EHD2: variants seen among roughly 807,000 people sequenced by gnomAD.
EHD2 encodes the protein EH domain containing 2, also known as EH domain-containing protein 2.
In EHD2, 27 loss-of-function variants were observed where a neutral mutation model predicts 41.0. The ratio of observed to expected loss-of-function variants is 0.66; its 90% CI spans 0.49 to 0.91. EHD2 has a LOEUF of 0.91. Ranked by LOEUF, EHD2 falls within the 40% of genes least tolerant of loss-of-function variation. The pLI is 0.00. For missense variants in EHD2, 673 were observed against 773.9 expected (o/e 0.87, Z 1.55); for synonymous variants, 342 against 341.0 (o/e 1.00, Z -0.03).
At chr19:47,718,680 G>C (rs1331229730) in intron 3 of EHD2, 74 bp downstream of exon 3, 2 of 1,356,972 alleles carry the variant, frequency 1.5e-6, no homozygotes, top group East Asian at 5.1e-5. Flanking sequence ...AGGGAGGAGG[G>C]ACTGGGCCCG....
At chr19:47,720,246 C>T (rs1054158033) in intron 3 of EHD2, among the ~76,000 whole-genome samples, 1 of 152,028 alleles carries the variant, frequency 6.6e-6, no homozygotes, top group Non-Finnish European at 1.5e-5. Flanking sequence ...TCACTGCAAC[C>T]TTTGCCTCCC....
Position 47,741,166 on chromosome 19 carries a change from ATCT to A in EHD2, c.1370_1372del (p.Phe457del). The A allele has an allele frequency of 1.2e-6, 2 of 1,613,438 alleles. No homozygotes were observed. The highest frequency in any genetic ancestry group is 1.7e-6 in the Non-Finnish European group (2 of 1,179,982). On this transcript the variant is annotated inframe_deletion, in exon 6 of 6. Coordinates refer to ENST00000263277, the MANE Select transcript of EHD2 (RefSeq NM_014601.4). The surrounding 1 kb of genome is among the most constrained non-coding windows in gnomAD (Gnocchi z 4.5). ...CAAGGACAAGTCCAAATACGACGAG[ATCT>A]TCTACAACCTGGCGCCTGCCGACGG...
rs1402914084 is a variant in EHD2, at chr19:47,740,973, C to G, written c.1173C>G (p.Ala391=). The G allele has an allele frequency of 6.2e-7, 1 of 1,612,384 alleles. No individual in the cohort carries two copies. Among genetic ancestry groups the G allele is most frequent in the Non-Finnish European group, 8.5e-7 (1 of 1,179,940 alleles). The change falls in exon 6 of 6, where the codon GCC becomes GCG. Residue 391 remains alanine (A), a synonymous_variant. Coordinates refer to ENST00000263277, the MANE Select transcript of EHD2 (RefSeq NM_014601.4). ...ALDEMLTHDI[A]KLMPLLRQEE... ...ACGAGATGCTGACGCACGACATCGCCAAGCTCATGCCCCTGCTGCGGCAGG... is the reference window on the plus strand; with the variant it reads ...ACGAGATGCTGACGCACGACATCGCGAAGCTCATGCCCCTGCTGCGGCAGG...
At chr19:47,731,279 A>AAAAT in intron 4 of EHD2, 1 of 60,924 alleles carries the variant, frequency 1.6e-5, no homozygotes, top group African/African-American at 4.9e-5. Flanking sequence ...AAAAAAAAAA[A>AAAAT]ATATATATAT....
Position 47,713,458 on chromosome 19 carries a change from C to G in EHD2, c.-136C>G, listed in dbSNP as rs982224631. ...GACGGGACCGCGAGCACAGGCCGCT[C>G]CGCGGGCGCTTCGGATCCTCGCGGG... On this transcript the variant is annotated 5_prime_UTR_variant, in exon 1 of 6. Coordinates refer to ENST00000263277, the MANE Select transcript of EHD2 (RefSeq NM_014601.4). 2.0e-5 allele frequency: 3 copies of G among 152,414 alleles called. No homozygotes were observed. Among genetic ancestry groups the G allele is most frequent in the African/African-American group, 7.2e-5 (3 of 41,440 alleles). The allele number at this position is 152,414 out of a possible 1,614,324, so 9.4% of individuals were successfully genotyped here.
chr19:47,736,561 G>C, intron 5 of EHD2, 28 bp downstream of exon 5: 2 of 1,552,278 alleles, frequency 1.3e-6, no homozygotes, highest in Non-Finnish European at 1.7e-6. Context: ...AGGGAATGTT[G>C]GGGGTGGGTG....
rs765059260 is a variant in EHD2 at position 47,716,700 on chromosome 19, C to T, written c.88C>T (p.Arg30Cys). The change falls in exon 2 of 6, where the codon CGC becomes TGC. Residue 30 changes from arginine (R) to cysteine (C), a missense_variant. Transcript: ENST00000263277. ...GACCTCGGCCCTCAAGGAGCTGTAC[C>T]GCACGAAGCTGCTGCCGCTGGAGGA... ...TVTSALKELY[R>C]TKLLPLEEHY... 8.7e-6 allele frequency: 14 copies of T among 1,612,136 alleles called. No individual in the cohort carries two copies. Among genetic ancestry groups the T allele is most frequent in the South Asian group, 4.4e-5 (4 of 90,922 alleles).
chr19:47,741,939 C>A lies in EHD2; in HGVS notation c.*507C>A, dbSNP rs1436305244. The A allele has an allele frequency of 1.1e-5, 5 of 456,296 alleles. No individual in the cohort carries two copies. Among genetic ancestry groups the A allele is most frequent in the Non-Finnish European group, 2.2e-5 (5 of 227,080 alleles). 28.3% of individuals were successfully genotyped at this position (456,296 alleles called of 1,614,324 possible). A position where few individuals can be genotyped will look rare whatever the true frequency, so the allele number is the denominator to read the frequency against. On this transcript the variant is annotated 3_prime_UTR_variant, in exon 6 of 6. Transcript: ENST00000263277. The surrounding 1 kb of genome is among the most constrained non-coding windows in gnomAD (Gnocchi z 4.5). ...CTGAAATGACTAGCAGATAAACAGA[C>A]CCCCTTCTGCTCCGCTTCCTCCTGC...
rs756884374 is a variant in EHD2, at chr19:47,716,696, G to A, written c.84G>A (p.Leu28=). 1.9e-6 allele frequency: 3 copies of A among 1,611,964 alleles called. No homozygotes were observed. The Admixed American group carries it at 5.0e-5, about 27-fold the overall frequency. The change falls in exon 2 of 6, where the codon CTG becomes CTA. Residue 28 remains leucine, a synonymous_variant. Coordinates refer to ENST00000263277, the MANE Select transcript of EHD2 (RefSeq NM_014601.4). ...IRTVTSALKE[L]YRTKLLPLEE... The stretch of plus-strand genomic sequence containing the variant: ...CGGTGACCTCGGCCCTCAAGGAGCT[G>A]TACCGCACGAAGCTGCTGCCGCTGG...
In EHD2 at chr19:47,719,690, C is replaced by T. The variant is rs906726833; in HGVS notation, c.502+1084C>T. ...CTCTGGCTGCCGTCCAGAGGCCCCA[C>T]GGGAGAAAGGCAGGAGGCAGCTGCA... On this transcript the variant is annotated intron_variant, in intron 3 of 5. Coordinates refer to ENST00000263277, the MANE Select transcript of EHD2 (RefSeq NM_014601.4). The surrounding 1 kb of genome is among the most constrained non-coding windows in gnomAD (Gnocchi z 4.1). Among the ~76,000 whole-genome samples, 4 of 152,134 alleles carry T rather than the reference C, an allele frequency of 2.6e-5. No homozygotes were observed. The highest frequency in any genetic ancestry group is 2.1e-4 in the South Asian group (1 of 4,822).
Position 47,741,443 on chromosome 19 carries a change from C to G in EHD2, c.*11C>G, listed in dbSNP as rs779242294. ...GGCTCCGCCGAGTGAGCCGGCCCCC[C>G]TCCCATGGCCCTGCTGTGGCTCCCC... On this transcript the variant is annotated 3_prime_UTR_variant, in exon 6 of 6. Coordinates refer to ENST00000263277, the MANE Select transcript of EHD2 (RefSeq NM_014601.4). The surrounding 1 kb of genome is among the most constrained non-coding windows in gnomAD (Gnocchi z 4.5). The G allele has an allele frequency of 6.4e-7, 1 of 1,558,672 alleles. No individual in the cohort carries two copies. The highest frequency in any genetic ancestry group is 1.2e-5 in the South Asian group (1 of 86,662).
In EHD2 at chr19:47,719,181, A is replaced by T. The variant is rs1407252436; in HGVS notation, c.502+575A>T. Among the ~76,000 whole-genome samples the T allele has an allele frequency of 6.6e-6, 1 of 152,016 alleles. No individual in the cohort carries two copies. The highest frequency in any genetic ancestry group is 1.9e-4 in the East Asian group (1 of 5,166). On this transcript the variant is annotated intron_variant, in intron 3 of 5. Coordinates refer to ENST00000263277, the MANE Select transcript of EHD2 (RefSeq NM_014601.4). The surrounding 1 kb of genome is among the most constrained non-coding windows in gnomAD (Gnocchi z 4.1). ...CCGCACGTCTGGGCAGGCAGGAAGG[A>T]TGGGAAGGGAGAGATGAAGAGGGAC... is the stretch of plus-strand genomic sequence containing the variant.
chr19:47,715,066 TAAATAAATAAATAAAA>T (rs1973611248), intron 1 of EHD2, among the ~76,000 whole-genome samples: 3 of 149,732 alleles, frequency 2.0e-5, no homozygotes, highest in African/African-American at 7.5e-5. Context: ...AATAAATAAA[TAAATAAATAAATAAAA>T]AGAAAGAAAA....
At chr19:47,721,401 G>A (rs1289547201) in intron 3 of EHD2, among the ~76,000 whole-genome samples, 9 of 151,498 alleles carry the variant, frequency 5.9e-5, no homozygotes, top group African/African-American at 1.9e-4. Flanking sequence ...TGCAACCTCC[G>A]CCTCCTGGGT....
At chr19:47,721,957 C>G (rs1973700717) in intron 3 of EHD2, among the ~76,000 whole-genome samples, 1 of 150,724 alleles carries the variant, frequency 6.6e-6, no homozygotes, top group Non-Finnish European at 1.5e-5. Context: ...TGCACTCCAG[C>G]CTGGGCGATA....
chr19:47,731,292 A>ATATG (rs1973810820), intron 4 of EHD2: 1 of 88,866 alleles, frequency 1.1e-5, no homozygotes, highest in Non-Finnish European at 2.7e-5. Context: ...ATATATATAT[A>ATATG]TATATATATA....
intron 4 of EHD2, among the ~76,000 whole-genome samples, chr19:47,736,022 C>T (rs1966918377): frequency 6.6e-6 from 1 of 152,048 alleles, no homozygotes; most frequent in Non-Finnish European, 1.5e-5. Flanking sequence ...ATGGTGAAAC[C>T]CCATCTTTAC....
At chr19:47,718,898 TG>T (rs760442353) in intron 3 of EHD2, among the ~76,000 whole-genome samples, 10 of 91,036 alleles carry the variant, frequency 1.1e-4, no homozygotes, top group African/African-American at 4.1e-4. Flanking sequence ...GAGGAGGAGC[TG>T]GGGCCTGGAC....
Position 47,725,892 on chromosome 19 carries a change from G to A in EHD2, c.583G>A (p.Glu195Lys), listed in dbSNP as rs148558427. ...CCTGCTCTTTGATGCGCACAAGCTG[G>A]AGATCTCGGACGAGTTCTCAGAGGC... Reference protein sequence around the residue: ...IILLFDAHKLEISDEFSEAIG... With the variant: ...IILLFDAHKLKISDEFSEAIG... The change falls in exon 4 of 6, where the codon GAG becomes AAG. Residue 195 changes from glutamate to lysine, a missense_variant. Glu to Lys is a moderately conservative substitution (Grantham distance 56). Transcript: ENST00000263277. 5.0e-6 allele frequency: 8 copies of A among 1,613,868 alleles called. No homozygotes were observed. The highest frequency in any genetic ancestry group is 6.8e-6 in the Non-Finnish European group (8 of 1,179,762).
Sources: allele counts gnomAD v4.1 joint callset (sites outside exome capture counted in the v4.1 genomes callset), GRCh38; gene constraint gnomAD v4.1.1; non-coding constraint Gnocchi (gnomAD v3.1); transcripts MANE v1.5; gene names NCBI Gene and HGNC (gene_info 2026-07-23, HGNC 2026-07-21).